Variants in KCND2 observed in about 807,000 individuals in gnomAD.
KCND2 encodes A-type voltage-gated potassium channel KCND2.
KCND2 carries 16 observed loss-of-function variants against 54.4 expected under a neutral mutation model. That is an observed-to-expected ratio of 0.29 (90% confidence interval 0.20 to 0.45). KCND2 has a LOEUF of 0.45. Ranked by LOEUF, KCND2 falls within the 20% of genes least tolerant of loss-of-function variation. The probability of loss-of-function intolerance (pLI) is 1.00; values close to 1 mark genes in which losing one functional copy is unlikely to be tolerated. For missense variants in KCND2, 486 were observed against 824.2 expected (o/e 0.59, Z 5.02); for synonymous variants, 317 against 310.7 (o/e 1.02, Z -0.21).
intron 1 of KCND2, among the ~76,000 whole-genome samples, chr7:120,564,562 CTT>C (rs1360130729): frequency 6.6e-6 from 1 of 152,068 alleles, no homozygotes; most frequent in African/African-American, 2.4e-5. Context: ...TAACCTAACT[CTT>C]TGGAGATTTC....
chr7:120,522,781 G>A (rs1472656367), intron 1 of KCND2, among the ~76,000 whole-genome samples: 1 of 152,082 alleles, frequency 6.6e-6, no homozygotes, highest in Non-Finnish European at 1.5e-5. Flanking sequence ...CCAAGTCCTA[G>A]GTTCTATGTT....
chr7:120,694,664 C>A (rs961030319), intron 1 of KCND2, among the ~76,000 whole-genome samples: 10 of 152,040 alleles, frequency 6.6e-5, no homozygotes, highest in African/African-American at 1.7e-4. Context: ...GACATTATTA[C>A]CCCCAATGAT....
intron 1 of KCND2, among the ~76,000 whole-genome samples, chr7:120,472,420 A>G (rs766368563): frequency 6.6e-6 from 1 of 152,052 alleles, no homozygotes; most frequent in Non-Finnish European, 1.5e-5. Context: ...TATGGTGGAA[A>G]CTGCATGGGC....
At chr7:120,557,505 A>G (rs1792179986) in intron 1 of KCND2, among the ~76,000 whole-genome samples, 1 of 152,132 alleles carries the variant, frequency 6.6e-6, no homozygotes, top group South Asian at 2.1e-4. Context: ...GCCTTTAATC[A>G]TGCTGTTGGG....
At chr7:120,319,172 A>T (rs951190018) in intron 1 of KCND2, among the ~76,000 whole-genome samples, 41 of 152,042 alleles carry the variant, frequency 2.7e-4, no homozygotes, top group African/African-American at 9.9e-4. Flanking sequence ...TGACTCTATT[A>T]TCTTTCTTCC....
intron 1 of KCND2, among the ~76,000 whole-genome samples, chr7:120,668,211 C>T (rs771432155): frequency 2.0e-5 from 3 of 151,976 alleles, no homozygotes; most frequent in South Asian, 4.1e-4. Context: ...AAATTTCACA[C>T]GTCGATGGTA....
chr7:120,654,968 A>G (rs1414344184), intron 1 of KCND2, among the ~76,000 whole-genome samples: 1 of 152,114 alleles, frequency 6.6e-6, no homozygotes, highest in Non-Finnish European at 1.5e-5. Flanking sequence ...GTGCTTTTTG[A>G]ACATGATATT....
chr7:120,285,499 C>T (rs1799326613), intron 1 of KCND2, among the ~76,000 whole-genome samples: 1 of 151,908 alleles, frequency 6.6e-6, no homozygotes, highest in African/African-American at 2.4e-5. Flanking sequence ...ATCTCATAGA[C>T]ATTCAGAAGA....
At chr7:120,571,722 C>G (rs1287029423) in intron 1 of KCND2, among the ~76,000 whole-genome samples, 1 of 152,196 alleles carries the variant, frequency 6.6e-6, no homozygotes, top group Admixed American at 6.5e-5. Context: ...ACCTAAACAT[C>G]TGGCTAAGTA....
chr7:120,527,119 C>T (rs1193559025), intron 1 of KCND2, among the ~76,000 whole-genome samples: 3 of 152,060 alleles, frequency 2.0e-5, no homozygotes, highest in Non-Finnish European at 4.4e-5. Flanking sequence ...TTTACCCTAA[C>T]ATATATCGTT....
intron 1 of KCND2, among the ~76,000 whole-genome samples, chr7:120,394,747 G>A (rs1214782674): frequency 6.6e-6 from 1 of 152,000 alleles, no homozygotes; most frequent in Non-Finnish European, 1.5e-5. Context: ...GAGACTAGAA[G>A]TAAGATGGAA....
At chr7:120,453,676 A>G (rs1802150299) in intron 1 of KCND2, among the ~76,000 whole-genome samples, 1 of 152,222 alleles carries the variant, frequency 6.6e-6, no homozygotes, top group Non-Finnish European at 1.5e-5. Context: ...TGTAGTAAAC[A>G]ATGAAATAAA....
At chr7:120,353,972 C>T (rs531245821) in intron 1 of KCND2, among the ~76,000 whole-genome samples, 3 of 152,090 alleles carry the variant, frequency 2.0e-5, no homozygotes. Flanking sequence ...TTTATAAAAT[C>T]TCAACCTTTG....
chr7:120,570,403 A>C (rs960288386), intron 1 of KCND2, among the ~76,000 whole-genome samples: 4 of 151,032 alleles, frequency 2.6e-5, no homozygotes, highest in Non-Finnish European at 5.9e-5. Context: ...TACCTCCTAC[A>C]TCTATAAAAA....
chr7:120,653,691 A>G (rs942901156), intron 1 of KCND2, among the ~76,000 whole-genome samples: 1 of 152,220 alleles, frequency 6.6e-6, no homozygotes, highest in Admixed American at 6.5e-5. Flanking sequence ...GTTGTTCAGC[A>G]TCCATTTATT....
chr7:120,678,377 A>ATG (rs1792094771), intron 1 of KCND2, among the ~76,000 whole-genome samples: 1 of 133,236 alleles, frequency 7.5e-6, no homozygotes, highest in African/African-American at 2.6e-5. Flanking sequence ...ATATATACGC[A>ATG]CACACACATA....
chr7:120,545,342 T>G (rs1008342010), intron 1 of KCND2, among the ~76,000 whole-genome samples: 21 of 151,900 alleles, frequency 1.4e-4, no homozygotes, highest in Non-Finnish European at 8.8e-5. Context: ...CCAGGTCCCA[T>G]AGAAAAGATT....
intron 1 of KCND2, among the ~76,000 whole-genome samples, chr7:120,443,032 A>G (rs1322053030): frequency 1.3e-5 from 2 of 152,088 alleles, no homozygotes; most frequent in African/African-American, 2.4e-5. Context: ...TACTCATTCC[A>G]TCACTTTCAA....
chr7:120,639,291 CTT>C (rs573205578), intron 1 of KCND2, among the ~76,000 whole-genome samples: 114 of 152,242 alleles, frequency 7.5e-4, no homozygotes, highest in Non-Finnish European at 1.4e-3. Flanking sequence ...AGGAGGTCCT[CTT>C]TTACTATGGG....
Sources: allele counts gnomAD v4.1 joint callset (sites outside exome capture counted in the v4.1 genomes callset), GRCh38; gene constraint gnomAD v4.1.1; transcripts MANE v1.5; gene names NCBI Gene and HGNC (gene_info 2026-07-23, HGNC 2026-07-21).